Variants in UBE2QL1 observed in about 807,000 individuals in gnomAD.
The protein encoded by UBE2QL1 is ubiquitin conjugating enzyme E2 QL1.
A neutral mutation model predicts 12.6 loss-of-function variants in UBE2QL1; 5 were observed. The observed-to-expected ratio is 0.40, with a 90% CI of 0.21 to 0.83. The LOEUF is 0.83. UBE2QL1 is among the 40% of genes least tolerant of loss of function. The probability of loss-of-function intolerance (pLI) is 0.37; values close to 1 mark genes in which losing one functional copy is unlikely to be tolerated. For missense variants in UBE2QL1, 99 were observed against 222.6 expected, an observed-to-expected ratio of 0.44 and a Z score of 3.53; for synonymous variants, 96 against 94.5, an observed-to-expected ratio of 1.02 and a Z score of -0.10.
At chr5:6,449,427 G>A (rs1739366676) in intron 1 of UBE2QL1, among the ~76,000 whole-genome samples, 180 bp downstream of exon 1, 1 of 152,096 alleles carries the variant, frequency 6.6e-6, no homozygotes, top group African/African-American at 2.4e-5. Context: ...TTCCCTGAGC[G>A]TTTTCTTCCT....
chr5:6,487,014 C>T (rs753166213), intron 1 of UBE2QL1, among the ~76,000 whole-genome samples: 11 of 152,186 alleles, frequency 7.2e-5, no homozygotes, highest in Admixed American at 1.3e-4. Flanking sequence ...CCTGGTTATC[C>T]GCCCACAGTG....
chr5:6,477,504 C>T (rs1379136074), intron 1 of UBE2QL1, among the ~76,000 whole-genome samples: 2 of 152,228 alleles, frequency 1.3e-5, no homozygotes, highest in Non-Finnish European at 2.9e-5. Flanking sequence ...AAGGCTGGAC[C>T]TGGTGACATT....
chr5:6,466,589 T>C (rs1022229005), intron 1 of UBE2QL1, among the ~76,000 whole-genome samples: 8 of 152,158 alleles, frequency 5.3e-5, no homozygotes, highest in African/African-American at 1.9e-4. Flanking sequence ...TGAGGTTGAG[T>C]TGATGTCCTT....
At chr5:6,472,819 G>A (rs764863040) in intron 1 of UBE2QL1, among the ~76,000 whole-genome samples, 20 of 152,112 alleles carry the variant, frequency 1.3e-4, no homozygotes, top group Non-Finnish European at 2.1e-4. Context: ...GGCTGTTTGG[G>A]AAGACCATTT....
chr5:6,484,074 A>G (rs545907552), intron 1 of UBE2QL1, among the ~76,000 whole-genome samples: 3 of 152,202 alleles, frequency 2.0e-5, no homozygotes, highest in African/African-American at 7.2e-5. Flanking sequence ...TTTTTTAGCT[A>G]CCAGATCTGG....
At chr5:6,450,416 T>C (rs769432297) in intron 1 of UBE2QL1, among the ~76,000 whole-genome samples, 20 of 152,234 alleles carry the variant, frequency 1.3e-4, no homozygotes, top group Non-Finnish European at 2.5e-4. Context: ...AATTATATGC[T>C]GTCGACTGCG....
chr5:6,458,035 C>G (rs570041380), intron 1 of UBE2QL1, among the ~76,000 whole-genome samples: 2 of 152,222 alleles, frequency 1.3e-5, no homozygotes, highest in Non-Finnish European at 2.9e-5. Flanking sequence ...TGCTTCAAAC[C>G]GTAGGAGAAA....
At chr5:6,451,862 A>G (rs1281741588) in intron 1 of UBE2QL1, among the ~76,000 whole-genome samples, 2 of 152,188 alleles carry the variant, frequency 1.3e-5, no homozygotes, top group African/African-American at 2.4e-5. Context: ...TAGTTACCAA[A>G]TTATTTCCTC....
intron 1 of UBE2QL1, among the ~76,000 whole-genome samples, chr5:6,461,540 A>ACCCCCCCCCCCCCCCCC (rs71606052): frequency 2.8e-4 from 13 of 46,764 alleles, no homozygotes; most frequent in Non-Finnish European, 3.4e-4. Context: ...TTCAGCACCC[A>ACCCCCCCCCCCCCCCCC]CCACCCCCCC....
intron 1 of UBE2QL1, among the ~76,000 whole-genome samples, 187 bp from the exon 2 acceptor site, chr5:6,491,031 G>A (rs568328973): frequency 6.6e-6 from 1 of 152,252 alleles, no homozygotes; most frequent in African/African-American, 2.4e-5. Flanking sequence ...TGCCCTATCT[G>A]TTTGGTGCCA....
intron 1 of UBE2QL1, among the ~76,000 whole-genome samples, chr5:6,473,956 C>T (rs1734156381): frequency 6.6e-6 from 1 of 152,204 alleles, no homozygotes; most frequent in Non-Finnish European, 1.5e-5. Flanking sequence ...TCTTAGCTCC[C>T]TTTAACATCT....
At chr5:6,468,271 A>T (rs1244943944) in intron 1 of UBE2QL1, among the ~76,000 whole-genome samples, 1 of 152,004 alleles carries the variant, frequency 6.6e-6, no homozygotes, top group African/African-American at 2.4e-5. Context: ...TCTGGTTTGG[A>T]GCATCGCCTC....
At chr5:6,456,045 C>A (rs781375975) in intron 1 of UBE2QL1, among the ~76,000 whole-genome samples, 6 of 152,192 alleles carry the variant, frequency 3.9e-5, no homozygotes, top group South Asian at 4.1e-4. Context: ...CCTCCAGAGC[C>A]GTGGCTGACA....
chr5:6,475,845 AGCCCT>A (rs1475910856), intron 1 of UBE2QL1, among the ~76,000 whole-genome samples: 1 of 152,078 alleles, frequency 6.6e-6, no homozygotes, highest in East Asian at 1.9e-4. Context: ...ACAAGAGACA[AGCCCT>A]GCCCCTGTGG....
chr5:6,453,317 A>G (rs1739446030), intron 1 of UBE2QL1, among the ~76,000 whole-genome samples: 1 of 152,204 alleles, frequency 6.6e-6, no homozygotes. Context: ...GCTGTTGGAA[A>G]TGGCAGTCGG....
rs999427959 is a variant in UBE2QL1 at position 6,491,501 on chromosome 5, G to C, written c.*152G>C. Reference sequence around the variant, plus strand: ...GAGACGTTTAAGTTATTTATGAAAAGATGTGTGTACAGAGAGGAAGAGGGA... The same window carrying C: ...GAGACGTTTAAGTTATTTATGAAAACATGTGTGTACAGAGAGGAAGAGGGA... On this transcript the variant is annotated 3_prime_UTR_variant, in exon 2 of 2. Transcript: ENST00000399816. 1 of 1,091,716 alleles carries C rather than the reference G, an allele frequency of 9.2e-7. No individual in the cohort carries two copies. The highest frequency in any genetic ancestry group is 1.6e-5 in the African/African-American group (1 of 62,860). The allele number at this position is 1,091,716 out of a possible 1,614,324, so 67.6% of individuals were successfully genotyped here. A position where few individuals can be genotyped will look rare whatever the true frequency, so the allele number is the denominator to read the frequency against.
chr5:6,489,894 A>G (rs1306141235), intron 1 of UBE2QL1, among the ~76,000 whole-genome samples: 2 of 152,248 alleles, frequency 1.3e-5, no homozygotes, highest in Non-Finnish European at 2.9e-5. Flanking sequence ...ACATCCCAGT[A>G]CGTGCCCACA....
intron 1 of UBE2QL1, among the ~76,000 whole-genome samples, chr5:6,459,595 C>T (rs1046349651): frequency 3.9e-5 from 6 of 152,028 alleles, no homozygotes; most frequent in Non-Finnish European, 8.8e-5. Flanking sequence ...CAAAGGAAGC[C>T]AATTATATTT....
At position 6,480,940 on chromosome 5, in the gene UBE2QL1, C is replaced by T. The variant is rs113039749; in HGVS notation, c.355-10278C>T. Among the ~76,000 whole-genome samples the T allele has an allele frequency of 2.0e-3, 311 of 152,270 alleles. 1 individual carries two copies. Among genetic ancestry groups the T allele is most frequent in the Middle Eastern group, 0.01 (3 of 294 alleles). ...GCATTTCATAAACCTCTGGGGGTTA[C>T]AGGTTGCTCTCTTTGGACTTGTTCA... On this transcript the variant is annotated intron_variant, in intron 1 of 1. Coordinates refer to ENST00000399816, the MANE Select transcript of UBE2QL1 (RefSeq NM_001145161.3).
Sources: gnomAD v4.1 joint callset for allele counts (sites outside exome capture counted in the v4.1 genomes callset) on GRCh38, gnomAD v4.1.1 for gene constraint, MANE v1.5 for transcripts, NCBI Gene and HGNC (gene_info 2026-07-23, HGNC 2026-07-21) for gene names.